Variants in CCDC85A observed in about 807,000 individuals in gnomAD.
CCDC85A encodes coiled-coil domain-containing protein 85A.
A neutral mutation model predicts 50.2 loss-of-function variants in CCDC85A; 38 were observed. The ratio of observed to expected loss-of-function variants is 0.76; its 90% CI spans 0.58 to 0.99. The LOEUF is 0.99. Ranked by LOEUF, CCDC85A falls within the 50% of genes least tolerant of loss-of-function variation. CCDC85A has a pLI of 0.00. For synonymous variants in CCDC85A, 366 were observed against 301.4 expected (o/e 1.21, Z -2.22); for missense variants, 820 against 742.0 (o/e 1.11, Z -1.22).
chr2:56,327,094 A>G (rs926494588), intron 2 of CCDC85A, among the ~76,000 whole-genome samples: 9 of 152,188 alleles, frequency 5.9e-5, no homozygotes, highest in African/African-American at 2.2e-4. Flanking sequence ...TATATTATAC[A>G]TGGTAGATAT....
At position 56,304,943 on chromosome 2, in the gene CCDC85A, C is replaced by CA. The variant is rs202134056; in HGVS notation, c.1241-37923dup. On this transcript the variant is annotated intron_variant, in intron 2 of 5. Coordinates refer to ENST00000407595, the MANE Select transcript of CCDC85A (RefSeq NM_001080433.2). ...ACAAACAAACAAACAAACAAAAAAA[C>CA]AAAAAAAAAAAAACCTGGGCGTGGT... Among the ~76,000 whole-genome samples the CA allele has an allele frequency of 8.7e-3, 1,157 of 132,612 alleles. 5 individuals carry two copies. Among genetic ancestry groups the CA allele is most frequent in the South Asian group, 0.021 (88 of 4,286 alleles). The allele number at this position is 132,612 out of a possible 152,430, so 87.0% of individuals were successfully genotyped here. A position where few individuals can be genotyped will look rare whatever the true frequency, so the allele number is the denominator to read the frequency against.
intron 2 of CCDC85A, among the ~76,000 whole-genome samples, chr2:56,203,355 T>G (rs1482692403): frequency 6.7e-6 from 1 of 149,460 alleles, no homozygotes; most frequent in Non-Finnish European, 1.5e-5. Context: ...AGAACAGGCT[T>G]GAAAATTGTG....
At chr2:56,253,614 G>C (rs904704422) in intron 2 of CCDC85A, among the ~76,000 whole-genome samples, 1 of 152,168 alleles carries the variant, frequency 6.6e-6, no homozygotes, top group Non-Finnish European at 1.5e-5. Context: ...AATAAGAGAA[G>C]ACTAGTTAAA....
At chr2:56,280,363 T>G (rs1671152147) in intron 2 of CCDC85A, among the ~76,000 whole-genome samples, 2 of 152,336 alleles carry the variant, frequency 1.3e-5, no homozygotes, top group South Asian at 4.1e-4. Context: ...TCAAGTTCAG[T>G]TTACTTGTGT....
chr2:56,194,478 T>C (rs190684659), intron 2 of CCDC85A, among the ~76,000 whole-genome samples: 1 of 152,312 alleles, frequency 6.6e-6, no homozygotes, highest in East Asian at 1.9e-4. Context: ...CTGAGGGTTT[T>C]TGCTTTATTT....
At chr2:56,247,456 G>A (rs991182608) in intron 2 of CCDC85A, among the ~76,000 whole-genome samples, 1 of 152,100 alleles carries the variant, frequency 6.6e-6, no homozygotes, top group Non-Finnish European at 1.5e-5. Flanking sequence ...TTCATAGGAG[G>A]TTGTTCTGCA....
At chr2:56,323,612 A>G (rs544757746) in intron 2 of CCDC85A, among the ~76,000 whole-genome samples, 1 of 152,088 alleles carries the variant, frequency 6.6e-6, no homozygotes, top group African/African-American at 2.4e-5. Context: ...TGAGCTTCTG[A>G]AACCTCCCTG....
intron 2 of CCDC85A, among the ~76,000 whole-genome samples, chr2:56,235,529 C>T (rs1381388182): frequency 6.6e-6 from 1 of 151,952 alleles, no homozygotes; most frequent in Admixed American, 6.6e-5. Flanking sequence ...ATGTATAAGA[C>T]ACTGAAAATA....
At chr2:56,317,899 G>A (rs535224493) in intron 2 of CCDC85A, among the ~76,000 whole-genome samples, 27 of 152,144 alleles carry the variant, frequency 1.8e-4, no homozygotes, top group African/African-American at 6.3e-4. Context: ...CTCTCTCCTT[G>A]ACTAACCAGA....
intron 2 of CCDC85A, among the ~76,000 whole-genome samples, chr2:56,298,230 C>T (rs536372786): frequency 1.1e-4 from 16 of 152,190 alleles, no homozygotes; most frequent in East Asian, 7.7e-4. Flanking sequence ...AGAGGGAATG[C>T]GCGGGACTGA....
chr2:56,254,040 G>A (rs952512881), intron 2 of CCDC85A, among the ~76,000 whole-genome samples: 3 of 152,034 alleles, frequency 2.0e-5, no homozygotes, highest in Admixed American at 6.5e-5. Context: ...TAGTCTTAAG[G>A]AAGATACATG....
intron 3 of CCDC85A, among the ~76,000 whole-genome samples, chr2:56,362,071 G>A (rs564538405): frequency 6.6e-6 from 1 of 152,236 alleles, no homozygotes; most frequent in East Asian, 1.9e-4. Flanking sequence ...AAAGGAAAGG[G>A]ACTGCATACG....
At chr2:56,235,921 G>A (rs1668993145) in intron 2 of CCDC85A, among the ~76,000 whole-genome samples, 1 of 152,182 alleles carries the variant, frequency 6.6e-6, no homozygotes, top group Non-Finnish European at 1.5e-5. Flanking sequence ...TAGAGGATAT[G>A]TGTTTGAGAT....
At chr2:56,360,662 T>G (rs1162305888) in intron 3 of CCDC85A, among the ~76,000 whole-genome samples, 5 of 152,216 alleles carry the variant, frequency 3.3e-5, no homozygotes, top group Non-Finnish European at 7.3e-5. Context: ...ATTTTCTTCC[T>G]ATCACACAGA....
At chr2:56,317,403 G>A (rs1425748015) in intron 2 of CCDC85A, among the ~76,000 whole-genome samples, 3 of 152,030 alleles carry the variant, frequency 2.0e-5, no homozygotes, top group Non-Finnish European at 2.9e-5. Context: ...ATTTCTCTGA[G>A]ATCTTCTCTC....
chr2:56,370,896 A>T (rs1476315338), intron 3 of CCDC85A, among the ~76,000 whole-genome samples: 1 of 152,154 alleles, frequency 6.6e-6, no homozygotes, highest in African/African-American at 2.4e-5. Flanking sequence ...AAATAATCAA[A>T]TTCAGATACT....
intron 3 of CCDC85A, among the ~76,000 whole-genome samples, chr2:56,367,262 G>T (rs1373524751): frequency 6.6e-6 from 1 of 152,140 alleles, no homozygotes. Context: ...TGTTACAGTA[G>T]GATGATATGG....
At chr2:56,243,330 T>A (rs952423787) in intron 2 of CCDC85A, among the ~76,000 whole-genome samples, 9 of 152,144 alleles carry the variant, frequency 5.9e-5, no homozygotes, top group Non-Finnish European at 4.4e-5. Context: ...TTTTTCTTTT[T>A]TTCTTTTTTC....
At chr2:56,310,787 G>A (rs1672654051) in intron 2 of CCDC85A, among the ~76,000 whole-genome samples, 1 of 152,114 alleles carries the variant, frequency 6.6e-6, no homozygotes, top group Non-Finnish European at 1.5e-5. Flanking sequence ...AGGTTATATG[G>A]ACAACTGCAC....
Sources: gnomAD v4.1 joint callset for allele counts (sites outside exome capture counted in the v4.1 genomes callset) on GRCh38, gnomAD v4.1.1 for gene constraint, MANE v1.5 for transcripts, NCBI Gene and HGNC (gene_info 2026-07-23, HGNC 2026-07-21) for gene names.